Variants in RAPGEF2 observed in about 807,000 individuals in gnomAD.
RAPGEF2 encodes the protein PDZ domain containing guanine nucleotide exchange factor (GEF) 1.
A neutral mutation model predicts 186.7 loss-of-function variants in RAPGEF2; 54 were observed. That is an observed-to-expected ratio of 0.29 (90% confidence interval 0.23 to 0.36). The LOEUF is 0.36. Among genes scored for constraint, RAPGEF2 ranks in the 10% least tolerant of loss-of-function variants. The probability of loss-of-function intolerance (pLI) is 1.00; values close to 1 mark genes in which losing one functional copy is unlikely to be tolerated. For missense variants in RAPGEF2, 1,532 were observed against 2,045.0 expected (o/e 0.75, Z 4.84); for synonymous variants, 712 against 705.9 (o/e 1.01, Z -0.14).
chr4:159,157,664 T>C (rs1329953061), intron 1 of RAPGEF2, among the ~76,000 whole-genome samples: 2 of 152,204 alleles, frequency 1.3e-5, no homozygotes, highest in Non-Finnish European at 2.9e-5. Context: ...CTTCACCAAG[T>C]CCGTTCTTCA....
intron 4 of RAPGEF2, among the ~76,000 whole-genome samples, chr4:159,228,613 G>A (rs933730533): frequency 1.6e-4 from 25 of 152,264 alleles, no homozygotes; most frequent in African/African-American, 5.8e-4. Context: ...TTGTAAGTGA[G>A]CCTTGAAGGA....
At chr4:159,329,037 G>A (rs1052802862) in intron 11 of RAPGEF2, 21 of 151,954 alleles carry the variant, frequency 1.4e-4, no homozygotes, top group Non-Finnish European at 1.5e-5. Context: ...TCACATTAAA[G>A]GAGGAAAAGA....
chr4:159,163,308 T>G (rs1744920316), intron 1 of RAPGEF2, among the ~76,000 whole-genome samples: 1 of 152,214 alleles, frequency 6.6e-6, no homozygotes, highest in African/African-American at 2.4e-5. Context: ...ATCCTGTTAG[T>G]GCCTCACATA....
intron 1 of RAPGEF2, among the ~76,000 whole-genome samples, chr4:159,126,764 A>G (rs939803386): frequency 6.6e-6 from 1 of 152,180 alleles, no homozygotes; most frequent in Admixed American, 6.5e-5. Flanking sequence ...TTATAAGATC[A>G]GAGCTACAAG....
chr4:159,342,572 T>TTTTATTTTA (rs1729668675), intron 20 of RAPGEF2, among the ~76,000 whole-genome samples: 1 of 140,146 alleles, frequency 7.1e-6, no homozygotes, highest in African/African-American at 2.7e-5. Context: ...TTTTATTTTA[T>TTTTATTTTA]TTTATTTTAT....
rs1561014617 is a variant in RAPGEF2 at position 159,150,200 on chromosome 4, A to ATATATAAT, written c.70-36442_70-36441insTATATAAT. Among the ~76,000 whole-genome samples the ATATATAAT allele has an allele frequency of 5.9e-5, 9 of 151,476 alleles. 1 individual carries two copies. Among genetic ancestry groups the ATATATAAT allele is most frequent in the African/African-American group, 2.2e-4 (9 of 41,204 alleles). ...TTATTTGTGGTAGTTATATACTATA[A>ATATATAAT]AGTCACCATGACCACTGAATTAGCG... On this transcript the variant is annotated intron_variant, in intron 1 of 29. Transcript: ENST00000691494.
intron 7 of RAPGEF2, among the ~76,000 whole-genome samples, chr4:159,272,525 TTTA>T (rs1336691714): frequency 1.3e-5 from 2 of 152,234 alleles, no homozygotes; most frequent in Admixed American, 1.3e-4. Flanking sequence ...AGTGCTTAAT[TTTA>T]TTAATTCTTC....
intron 1 of RAPGEF2, among the ~76,000 whole-genome samples, chr4:159,155,568 T>C (rs555875102): frequency 5.3e-5 from 8 of 152,334 alleles, no homozygotes; most frequent in African/African-American, 1.4e-4. Flanking sequence ...CTGAGCATTA[T>C]TTTATTGTTC....
Position 159,104,553 on chromosome 4 carries a change from A to AGAGAGGGAGAGAGTGTGTGT in RAPGEF2, c.69+323_69+324insAGAGGGAGAGAGTGTGTGTG, listed in dbSNP as rs1553991869. On this transcript the variant is annotated intron_variant, in intron 1 of 29. Coordinates refer to ENST00000691494, the MANE Select transcript of RAPGEF2 (RefSeq NM_001394067.2). ...GAGAGACAGAGAGAGAGAGAGAGAG[A>AGAGAGGGAGAGAGTGTGTGT]GTGTGTGTGTGTGTGTGTATGTGTG... Among the ~76,000 whole-genome samples, 118 of 136,088 alleles carry AGAGAGGGAGAGAGTGTGTGT rather than the reference A, an allele frequency of 8.7e-4. 3 individuals carry two copies. Among genetic ancestry groups the AGAGAGGGAGAGAGTGTGTGT allele is most frequent in the African/African-American group, 3.2e-3 (111 of 34,194 alleles). 89.3% of individuals were successfully genotyped at this position (136,088 alleles called of 152,430 possible). A position where few individuals can be genotyped will look rare whatever the true frequency, so the allele number is the denominator to read the frequency against.
At chr4:159,231,013 A>G (rs1347813056) in intron 4 of RAPGEF2, among the ~76,000 whole-genome samples, 1 of 152,182 alleles carries the variant, frequency 6.6e-6, no homozygotes, top group South Asian at 2.1e-4. Flanking sequence ...GTAGTCATGC[A>G]CTGTGTAATA....
At chr4:159,225,204 G>C (rs772400082) in intron 4 of RAPGEF2, among the ~76,000 whole-genome samples, 1 of 152,130 alleles carries the variant, frequency 6.6e-6, no homozygotes, top group Non-Finnish European at 1.5e-5. Flanking sequence ...AGCCATGTCA[G>C]AAAGTAACAA....
chr4:159,220,198 C>T (rs1345271767), intron 4 of RAPGEF2, among the ~76,000 whole-genome samples: 2 of 152,100 alleles, frequency 1.3e-5, no homozygotes. Context: ...TGAAGTAGAG[C>T]AGGGTGGTGG....
chr4:159,205,905 C>T (rs1232733105), intron 3 of RAPGEF2, among the ~76,000 whole-genome samples: 1 of 152,004 alleles, frequency 6.6e-6, no homozygotes, highest in Non-Finnish European at 1.5e-5. Flanking sequence ...GCTCAGAACA[C>T]TTACATTAGC....
chr4:159,222,256 T>C (rs1224534741), intron 4 of RAPGEF2, among the ~76,000 whole-genome samples: 2 of 152,172 alleles, frequency 1.3e-5, no homozygotes, highest in African/African-American at 2.4e-5. Flanking sequence ...GTGCTGTACA[T>C]ATAAATGCAG....
chr4:159,219,967 AT>A (rs1352958303), intron 4 of RAPGEF2, among the ~76,000 whole-genome samples: 1 of 152,206 alleles, frequency 6.6e-6, no homozygotes, highest in African/African-American at 2.4e-5. Context: ...CTCATGTGCT[AT>A]CAAAGCCAAG....
chr4:159,247,615 AG>A (rs1251465241), intron 7 of RAPGEF2, among the ~76,000 whole-genome samples: 1 of 152,138 alleles, frequency 6.6e-6, no homozygotes, highest in Non-Finnish European at 1.5e-5. Flanking sequence ...TTTTGGGGAT[AG>A]GGATGGTAAA....
intron 7 of RAPGEF2, among the ~76,000 whole-genome samples, 198 bp downstream of exon 7, chr4:159,243,989 G>A (rs1754311523): frequency 6.6e-6 from 1 of 151,854 alleles, no homozygotes; most frequent in African/African-American, 2.4e-5. Flanking sequence ...GGGATGGATT[G>A]TCCATGTTGA....
chr4:159,203,828 A>G (rs182015810), intron 3 of RAPGEF2, among the ~76,000 whole-genome samples: 1 of 152,328 alleles, frequency 6.6e-6, no homozygotes, highest in Non-Finnish European at 1.5e-5. Context: ...CTGCATATAT[A>G]TTGTTTCATT....
rs201907570 is a variant in RAPGEF2, at chr4:159,206,230, G to A, written c.198-4270G>A. On this transcript the variant is annotated intron_variant, in intron 3 of 29. Transcript: ENST00000691494. The stretch of plus-strand genomic sequence containing the variant: ...CAGGCATGAGCCACCGCGCCCAGCC[G>A]CGCAGGATCTTTTAACACAAAGCCT... Among the ~76,000 whole-genome samples the A allele has an allele frequency of 7.9e-5, 12 of 152,152 alleles. No individual in the cohort carries two copies. In the East Asian group the frequency reaches 1.7e-3, roughly 22 times the overall value.
Sources: gnomAD v4.1 joint callset for allele counts (sites outside exome capture counted in the v4.1 genomes callset) on GRCh38, gnomAD v4.1.1 for gene constraint, MANE v1.5 for transcripts, NCBI Gene and HGNC (gene_info 2026-07-23, HGNC 2026-07-21) for gene names.